FAAH2: variants seen among roughly 807,000 people sequenced by gnomAD.
FAAH2 encodes fatty-acid amide hydrolase 2.
Under a neutral mutation model 36.9 loss-of-function variants are expected in FAAH2, and 60 were observed. The observed-to-expected ratio is 1.63, with a 90% CI of 1.32 to 2.02. The LOEUF (loss-of-function observed/expected upper bound fraction) is 2.02. FAAH2 is among the 30% of genes most tolerant of loss of function. The pLI is 0.00. For synonymous variants in FAAH2, 214 were observed against 143.8 expected, an observed-to-expected ratio of 1.49 and a Z score of -3.49; for missense variants, 689 against 397.5, an observed-to-expected ratio of 1.73 and a Z score of -6.23.
chrX:57,235,636 T>G, the FAAH2 span, among the ~76,000 whole-genome samples: 1 of 112,586 alleles, frequency 8.9e-6, no homozygotes, highest in African/African-American at 3.2e-5. Flanking sequence ...AAATTATATC[T>G]GCTGAAAATT....
At chrX:57,293,405 G>A (rs896708785) in intron 2 of FAAH2, among the ~76,000 whole-genome samples, 1 of 111,668 alleles carries the variant, frequency 9.0e-6, no homozygotes, top group South Asian at 3.7e-4. Flanking sequence ...TGCATCAAAT[G>A]GATTTGTATC....
chrX:57,224,607 C>T, the FAAH2 span, among the ~76,000 whole-genome samples: 8 of 112,077 alleles, frequency 7.1e-5, no homozygotes, highest in Non-Finnish European at 1.5e-4. Flanking sequence ...AAGACACCTA[C>T]TCTGGCTGGA....
chrX:57,162,112 G>T, the FAAH2 span, among the ~76,000 whole-genome samples: 4 of 111,018 alleles, frequency 3.6e-5, no homozygotes, highest in East Asian at 1.1e-3. Context: ...TTTCTCCTTT[G>T]CTTATGAAGC....
chrX:57,219,873 T>C, the FAAH2 span, among the ~76,000 whole-genome samples: 8 of 100,688 alleles, frequency 7.9e-5, no homozygotes, highest in Non-Finnish European at 1.6e-4. Context: ...CTTTTTTTTT[T>C]TTTTTTTTTT....
the FAAH2 span, among the ~76,000 whole-genome samples, chrX:57,248,949 T>A: frequency 9.1e-6 from 1 of 109,565 alleles, no homozygotes; most frequent in Non-Finnish European, 1.9e-5. Context: ...TCACATAATA[T>A]GTCTGCCTAA....
chrX:57,452,220 C>T (rs2056797734), intron 10 of FAAH2: 3 of 754,216 alleles, frequency 4.0e-6, no homozygotes, highest in South Asian at 6.7e-5. Flanking sequence ...ATCTGAGAAA[C>T]CCATTGATAT....
At position 57,452,087 on chromosome X, in the gene FAAH2, C is replaced by T. The variant is rs765763228; in HGVS notation, c.1423+3369C>T. The T allele has an allele frequency of 1.8e-4, 112 of 633,646 alleles. No homozygotes were observed. The African/African-American group carries it at 2.5e-3, about 14-fold the overall frequency. 52.2% of individuals were successfully genotyped at this position (633,646 alleles called of 1,213,427 possible). On this transcript the variant is annotated intron_variant, in intron 10 of 10. Transcript: ENST00000374900. ...AGGACAGATGGAAGGAAACAGCTTA[C>T]AAAAGTGGCCTTTCACTGGCTTTCT... is the stretch of plus-strand genomic sequence containing the variant.
chrX:57,293,677 T>C (rs1293539837), intron 2 of FAAH2, among the ~76,000 whole-genome samples: 5 of 111,982 alleles, frequency 4.5e-5, no homozygotes, highest in Non-Finnish European at 9.4e-5. Flanking sequence ...ATTTAAATTT[T>C]CTGTTGCCTT....
chrX:57,452,942 G>A (rs1310955276), intron 10 of FAAH2, among the ~76,000 whole-genome samples: 1 of 111,962 alleles, frequency 8.9e-6, no homozygotes, highest in East Asian at 2.8e-4. Context: ...ACACTGGGTA[G>A]GGCAAGGCAG....
At chrX:57,155,410 C>G in the FAAH2 span, among the ~76,000 whole-genome samples, 1 of 111,507 alleles carries the variant, frequency 9.0e-6, no homozygotes, top group East Asian at 2.8e-4. Context: ...ATGGCTGCCT[C>G]TGCTTTGTCA....
the FAAH2 span, among the ~76,000 whole-genome samples, chrX:57,247,835 C>T: frequency 7.1e-5 from 8 of 112,320 alleles, no homozygotes; most frequent in Non-Finnish European, 1.3e-4. Context: ...TAGGCGAGTG[C>T]TTCAAACGTG....
At chrX:57,335,363 T>A (rs1249459811) in intron 4 of FAAH2, among the ~76,000 whole-genome samples, 1 of 112,013 alleles carries the variant, frequency 8.9e-6, no homozygotes, top group Non-Finnish European at 1.9e-5. Context: ...GAGAGGGGGA[T>A]GTGGCAGGAC....
intron 7 of FAAH2, chrX:57,393,539 G>C: frequency 3.1e-6 from 3 of 964,273 alleles, no homozygotes; most frequent in Non-Finnish European, 4.5e-6. Context: ...AAATGGGCCT[G>C]CATGGACAAA....
the FAAH2 span, among the ~76,000 whole-genome samples, chrX:57,206,048 C>G: frequency 8.9e-6 from 1 of 111,859 alleles, no homozygotes; most frequent in Non-Finnish European, 1.9e-5. Flanking sequence ...CAGGTGAATG[C>G]TGAGTTGAAA....
intron 7 of FAAH2, among the ~76,000 whole-genome samples, chrX:57,425,524 A>G (rs896235722): frequency 4.3e-4 from 48 of 112,080 alleles, no homozygotes; most frequent in Non-Finnish European, 1.7e-4. Context: ...ACTTCTCAAC[A>G]GAAACTTTAT....
intron 8 of FAAH2, among the ~76,000 whole-genome samples, chrX:57,446,337 A>C (rs1341220229): frequency 8.1e-5 from 9 of 111,541 alleles, no homozygotes. Flanking sequence ...TAGTTGTTTA[A>C]TTTGGTGTTC....
chrX:57,481,000 A>G (rs2057369159), intron 10 of FAAH2, among the ~76,000 whole-genome samples: 1 of 106,920 alleles, frequency 9.4e-6, no homozygotes, highest in Non-Finnish European at 1.9e-5. Context: ...GTGATTTTCA[A>G]TCTCTGATAT....
chrX:57,365,817 C>T (rs1467343456), intron 5 of FAAH2, among the ~76,000 whole-genome samples: 1 of 112,113 alleles, frequency 8.9e-6, no homozygotes, highest in Non-Finnish European at 1.9e-5. Flanking sequence ...AGTGCTGATA[C>T]TTTTTCCTCA....
At chrX:57,239,880 G>A in the FAAH2 span, among the ~76,000 whole-genome samples, 1 of 111,846 alleles carries the variant, frequency 8.9e-6, no homozygotes, top group Non-Finnish European at 1.9e-5. Context: ...CAGCTCTTAT[G>A]ATCAGTTTTG....
Sources: gnomAD v4.1 joint callset for allele counts (sites outside exome capture counted in the v4.1 genomes callset) on GRCh38, gnomAD v4.1.1 for gene constraint, MANE v1.5 for transcripts, NCBI Gene and HGNC (gene_info 2026-07-23, HGNC 2026-07-21) for gene names.